The following ST6GALNAC3 variants were observed in gnomAD, a reference collection of about 807,000 sequenced individuals.
ST6GALNAC3 encodes alpha-N-acetylgalactosaminide alpha-2,6-sialyltransferase 3.
ST6GALNAC3 carries 25 observed loss-of-function variants against 32.7 expected under a neutral mutation model. The observed-to-expected ratio is 0.76, with a 90% CI of 0.56 to 1.07. The LOEUF is 1.07. Among genes scored for constraint, ST6GALNAC3 ranks in the 50% least tolerant of loss-of-function variants. The pLI is 0.00. For synonymous variants in ST6GALNAC3, 129 were observed against 133.1 expected (o/e 0.97, Z 0.21); for missense variants, 355 against 382.4 (o/e 0.93, Z 0.60).
chr1:76,168,508 G>A (rs556950831), intron 1 of ST6GALNAC3, among the ~76,000 whole-genome samples: 47 of 152,240 alleles, frequency 3.1e-4, no homozygotes, highest in African/African-American at 1.1e-3. Context: ...CTGAGTTCTG[G>A]TCCTGAATAT....
intron 1 of ST6GALNAC3, among the ~76,000 whole-genome samples, chr1:76,099,510 C>T (rs1251569): frequency 0.083 from 12,627 of 152,156 alleles, 650 homozygotes; most frequent in Middle Eastern, 0.19. Context: ...AATGCACTGT[C>T]GATACATGCA....
intron 1 of ST6GALNAC3, among the ~76,000 whole-genome samples, chr1:76,097,666 G>T (rs1205007089): frequency 6.6e-6 from 1 of 152,120 alleles, no homozygotes; most frequent in Non-Finnish European, 1.5e-5. Flanking sequence ...CCATGTTGTG[G>T]TGTATAGCTG....
At chr1:76,306,023 T>G (rs956285150) in intron 1 of ST6GALNAC3, 7 of 439,172 alleles carry the variant, frequency 1.6e-5, no homozygotes, top group African/African-American at 2.0e-5. Flanking sequence ...GTACCAGCCT[T>G]AGGTAGATTT....
intron 3 of ST6GALNAC3, among the ~76,000 whole-genome samples, chr1:76,444,080 T>C (rs1291641412): frequency 6.6e-6 from 1 of 152,194 alleles, no homozygotes; most frequent in African/African-American, 2.4e-5. Flanking sequence ...ACAGATCAAG[T>C]TTTAATTTAT....
At chr1:76,319,440 A>G (rs1361194837) in intron 2 of ST6GALNAC3, among the ~76,000 whole-genome samples, 1 of 152,190 alleles carries the variant, frequency 6.6e-6, no homozygotes, top group African/African-American at 2.4e-5. Context: ...AGATGTGCAT[A>G]ACATATTGAT....
At chr1:76,467,468 C>G (rs899908568) in intron 3 of ST6GALNAC3, among the ~76,000 whole-genome samples, 1 of 151,836 alleles carries the variant, frequency 6.6e-6, no homozygotes, top group African/African-American at 2.4e-5. Flanking sequence ...TGCCCAACAA[C>G]TGGGGATTAG....
intron 1 of ST6GALNAC3, among the ~76,000 whole-genome samples, chr1:76,103,012 G>T (rs1647291651): frequency 6.6e-6 from 1 of 151,596 alleles, no homozygotes; most frequent in African/African-American, 2.4e-5. Context: ...ATACTTAAAA[G>T]ATATTTTATT....
chr1:76,623,854 A>T (rs1329864088), intron 3 of ST6GALNAC3, among the ~76,000 whole-genome samples: 3 of 151,882 alleles, frequency 2.0e-5, no homozygotes, highest in South Asian at 2.1e-4. Context: ...GACATTCTGG[A>T]GCCAGTGCTA....
chr1:76,446,964 C>T (rs1006829020), intron 3 of ST6GALNAC3, among the ~76,000 whole-genome samples: 3 of 152,098 alleles, frequency 2.0e-5, no homozygotes, highest in South Asian at 4.1e-4. Context: ...GAGTGGGGCA[C>T]TGCTGAAAAG....
intron 3 of ST6GALNAC3, among the ~76,000 whole-genome samples, chr1:76,601,829 G>C (rs143122196): frequency 1.3e-3 from 205 of 152,284 alleles, no homozygotes; most frequent in Non-Finnish European, 2.5e-3. Context: ...AGGCAGTGCT[G>C]AACATGACCA....
At chr1:76,247,207 G>C (rs1657311040) in intron 1 of ST6GALNAC3, among the ~76,000 whole-genome samples, 1 of 152,164 alleles carries the variant, frequency 6.6e-6, no homozygotes, top group Admixed American at 6.5e-5. Context: ...GCTAATGCTA[G>C]CCGGATCTCT....
chr1:76,167,985 C>A (rs1652234906), intron 1 of ST6GALNAC3, among the ~76,000 whole-genome samples: 1 of 151,838 alleles, frequency 6.6e-6, no homozygotes, highest in Non-Finnish European at 1.5e-5. Flanking sequence ...TCTCAATTTT[C>A]TTCTGCTCAG....
intron 1 of ST6GALNAC3, among the ~76,000 whole-genome samples, chr1:76,229,227 TA>T (rs1286877236): frequency 6.6e-6 from 1 of 152,146 alleles, no homozygotes; most frequent in Non-Finnish European, 1.5e-5. Context: ...AGTAACCATC[TA>T]GGAAGCTAAA....
downstream of ST6GALNAC3, among the ~76,000 whole-genome samples, chr1:76,636,257 A>G: frequency 6.6e-6 from 1 of 152,176 alleles, no homozygotes; most frequent in East Asian, 1.9e-4. Flanking sequence ...TCTACCCACA[A>G]TAGAAGTAAC....
intron 3 of ST6GALNAC3, among the ~76,000 whole-genome samples, chr1:76,468,313 T>C (rs1472308301): frequency 1.3e-5 from 2 of 152,058 alleles, no homozygotes; most frequent in Non-Finnish European, 2.9e-5. Context: ...AATACTTCAG[T>C]GCCTGTGATT....
chr1:76,367,720 A>C (rs147613571), intron 2 of ST6GALNAC3, among the ~76,000 whole-genome samples: 1 of 152,120 alleles, frequency 6.6e-6, no homozygotes, highest in African/African-American at 2.4e-5. Flanking sequence ...AGGGTTTCTA[A>C]TATGGCTTGT....
chr1:76,343,900 A>T (rs1648275732), intron 2 of ST6GALNAC3, among the ~76,000 whole-genome samples: 1 of 152,198 alleles, frequency 6.6e-6, no homozygotes, highest in South Asian at 2.1e-4. Context: ...ACCTATGAGA[A>T]TTGCTTCAAG....
At chr1:76,537,895 A>C (rs1196403786) in intron 3 of ST6GALNAC3, among the ~76,000 whole-genome samples, 2 of 152,016 alleles carry the variant, frequency 1.3e-5, no homozygotes, top group Non-Finnish European at 2.9e-5. Context: ...CAACCAAAAA[A>C]AAGACCATGA....
At chr1:76,238,996 G>C (rs1656820072) in intron 1 of ST6GALNAC3, among the ~76,000 whole-genome samples, 1 of 140,140 alleles carries the variant, frequency 7.1e-6, no homozygotes, top group South Asian at 2.2e-4. Flanking sequence ...GGCCCAGTAA[G>C]ATAGAAGTGA....
Sources: allele counts gnomAD v4.1 joint callset (sites outside exome capture counted in the v4.1 genomes callset), GRCh38; gene constraint gnomAD v4.1.1; transcripts MANE v1.5; gene names NCBI Gene and HGNC (gene_info 2026-07-23, HGNC 2026-07-21).